Variants in PDE3A observed in about 807,000 individuals in gnomAD.
The protein encoded by PDE3A is phosphodiesterase 3A.
PDE3A carries 43 observed loss-of-function variants against 98.3 expected under a neutral mutation model. That is an observed-to-expected ratio of 0.44 (90% CI 0.34 to 0.56). The LOEUF (loss-of-function observed/expected upper bound fraction) is 0.56. Ranked by LOEUF, PDE3A falls within the 20% of genes least tolerant of loss-of-function variation. The probability of loss-of-function intolerance (pLI) is 0.01; values close to 1 mark genes in which losing one functional copy is unlikely to be tolerated. For missense variants in PDE3A, 1,427 were observed against 1,440.7 expected (o/e 0.99, Z 0.15); for synonymous variants, 663 against 567.9 (o/e 1.17, Z -2.38).
At chr12:20,623,801 G>GTATTCTAGAAAGAATTTATGATGGATA (rs1944196054) in intron 5 of PDE3A, among the ~76,000 whole-genome samples, 3 of 151,994 alleles carry the variant, frequency 2.0e-5, no homozygotes, top group Non-Finnish European at 4.4e-5. Context: ...TATGATGGAT[G>GTATTCTAGAAAGAATTTATGATGGATA]TATTCTAGAA....
intron 1 of PDE3A, among the ~76,000 whole-genome samples, chr12:20,458,363 A>G (rs1945188592): frequency 1.3e-5 from 2 of 151,658 alleles, no homozygotes; most frequent in African/African-American, 4.8e-5. Context: ...TTATCGAGGT[A>G]TATAAATATT....
At chr12:20,633,662 C>G (rs1944433235) in intron 6 of PDE3A, 31 bp from the exon 7 acceptor site, 8 of 1,354,738 alleles carry the variant, frequency 5.9e-6, no homozygotes, top group Non-Finnish European at 8.3e-6. Flanking sequence ...AAAGAGGAGG[C>G]TACACCTATA....
intron 2 of PDE3A, among the ~76,000 whole-genome samples, chr12:20,604,755 C>T (rs1480173833): frequency 6.6e-6 from 1 of 152,064 alleles, no homozygotes; most frequent in Non-Finnish European, 1.5e-5. Flanking sequence ...TAACTTAATA[C>T]ATAGAGTATG....
At chr12:20,443,211 T>C (rs887610893) in intron 1 of PDE3A, among the ~76,000 whole-genome samples, 14 of 152,140 alleles carry the variant, frequency 9.2e-5, no homozygotes, top group African/African-American at 2.7e-4. Context: ...AGAAATTATA[T>C]AGAAATTGAT....
chr12:20,654,818 G>C (rs1211866012), intron 15 of PDE3A, among the ~76,000 whole-genome samples: 2 of 151,948 alleles, frequency 1.3e-5, no homozygotes, highest in African/African-American at 4.8e-5. Context: ...AGCTGCTTCA[G>C]GTTATGTTAG....
intron 15 of PDE3A, among the ~76,000 whole-genome samples, chr12:20,672,184 A>G (rs1186412715): frequency 4.0e-5 from 6 of 148,928 alleles, no homozygotes; most frequent in African/African-American, 1.5e-4. Context: ...ACCACTGCTC[A>G]AGGAAATAAA....
At position 20,633,785 on chromosome 12, in the gene PDE3A, C is replaced by G. The variant is rs374457483; in HGVS notation, c.1846+7C>G. On this transcript the variant is annotated splice_region_variant and intron_variant, in intron 7 of 15. Coordinates refer to ENST00000359062, the MANE Select transcript of PDE3A (RefSeq NM_000921.5). ...CGGACACCAAGTAGAACAGGTAATT[C>G]ATTGTTTTGGATTCTGTTGCCCAAA... is the stretch of plus-strand genomic sequence containing the variant. 1 of 1,541,530 alleles carries G rather than the reference C, an allele frequency of 6.5e-7. No individual in the cohort carries two copies. The highest frequency in any genetic ancestry group is 8.9e-7 in the Non-Finnish European group (1 of 1,123,458).
chr12:20,605,854 AG>A (rs1943698331), intron 2 of PDE3A, among the ~76,000 whole-genome samples: 1 of 152,222 alleles, frequency 6.6e-6, no homozygotes, highest in Non-Finnish European at 1.5e-5. Flanking sequence ...CTTTTCCTCC[AG>A]TTAGAATAAA....
intron 14 of PDE3A, among the ~76,000 whole-genome samples, chr12:20,653,015 G>T (rs1353731706): frequency 6.6e-6 from 1 of 152,080 alleles, no homozygotes; most frequent in East Asian, 1.9e-4. Context: ...TAAATTAAAG[G>T]GAAAATTCAT....
In PDE3A at chr12:20,567,619, C is replaced by A. The variant is rs1320321050; in HGVS notation, c.1011+10909C>A. Reference sequence around the variant, plus strand: ...CTCTAGGCATGTGACTACTCCCCCCCACTTCCTCCCTTTTTTCTTTTCTTT... The same window carrying A: ...CTCTAGGCATGTGACTACTCCCCCCAACTTCCTCCCTTTTTTCTTTTCTTT... On this transcript the variant is annotated intron_variant, in intron 2 of 15. Transcript: ENST00000359062. Among the ~76,000 whole-genome samples the A allele has an allele frequency of 4.6e-5, 7 of 152,056 alleles. No homozygotes were observed. The East Asian group carries it at 7.7e-4, about 17-fold the overall frequency.
chr12:20,427,251 C>G (rs963978146), intron 1 of PDE3A, among the ~76,000 whole-genome samples: 12 of 152,224 alleles, frequency 7.9e-5, no homozygotes, highest in African/African-American at 2.6e-4. Context: ...CGTGAACTCT[C>G]GTTGCTTTTT....
chr12:20,657,448 T>C (rs1565465859), intron 15 of PDE3A, among the ~76,000 whole-genome samples: 1 of 152,216 alleles, frequency 6.6e-6, no homozygotes, highest in Non-Finnish European at 1.5e-5. Flanking sequence ...ATAACTTCTG[T>C]AGTTTGTAAA....
chr12:20,548,180 C>A (rs1433773136), intron 1 of PDE3A, among the ~76,000 whole-genome samples: 1 of 151,860 alleles, frequency 6.6e-6, no homozygotes, highest in African/African-American at 2.4e-5. Flanking sequence ...ACTTTGTTTG[C>A]CAGGAATAAA....
chr12:20,538,188 G>T (rs978279109), intron 1 of PDE3A, among the ~76,000 whole-genome samples: 1 of 151,984 alleles, frequency 6.6e-6, no homozygotes. Flanking sequence ...ATCGCACTCT[G>T]TGTGTGTGTG....
chr12:20,516,512 A>G lies in PDE3A; in HGVS notation c.961-40148A>G, dbSNP rs183265127. On this transcript the variant is annotated intron_variant, in intron 1 of 15. Coordinates refer to ENST00000359062, the MANE Select transcript of PDE3A (RefSeq NM_000921.5). ...TACCTGGCATGTAGAATACCTATAC[A>G]TTTACACATGTAAAAAATGAAGCCT... is the stretch of plus-strand genomic sequence containing the variant. 3.1e-4 allele frequency among the ~76,000 whole-genome samples: 47 copies of G among 152,342 alleles called. No individual in the cohort carries two copies. The Middle Eastern group carries it at 0.01, about 33-fold the overall frequency.
rs1022901583 is a variant in PDE3A, at chr12:20,544,323, C to A, written c.961-12337C>A. Reference sequence around the variant, plus strand: ...TAATAGAGAATTTGGTATAACTAAACATCTGATATATAATTTATATTTTGA... The same window carrying A: ...TAATAGAGAATTTGGTATAACTAAAAATCTGATATATAATTTATATTTTGA... On this transcript the variant is annotated intron_variant, in intron 1 of 15. Coordinates refer to ENST00000359062, the MANE Select transcript of PDE3A (RefSeq NM_000921.5). Among the ~76,000 whole-genome samples the A allele has an allele frequency of 6.6e-5, 10 of 151,572 alleles. No individual in the cohort carries two copies. In the East Asian group the frequency reaches 1.9e-3, roughly 29 times the overall value.
At chr12:20,671,151 A>G (rs1476509134) in intron 15 of PDE3A, among the ~76,000 whole-genome samples, 1 of 147,128 alleles carries the variant, frequency 6.8e-6, no homozygotes, top group African/African-American at 2.6e-5. Context: ...TAAACCAGGA[A>G]GAAGTTGAAT....
In PDE3A at chr12:20,648,791, A is replaced by C. The variant is rs1177704641; in HGVS notation, c.2669A>C (p.Asp890Ala). 6.2e-7 allele frequency: 1 copy of C among 1,613,166 alleles called. No homozygotes were observed. The highest frequency in any genetic ancestry group is 8.5e-7 in the Non-Finnish European group (1 of 1,179,168). The change falls in exon 13 of 16, where the codon GAC becomes GCC. Residue 890 changes from aspartate to alanine, a missense_variant. By Grantham distance (126) the Asp-to-Ala change is moderately radical. Around this residue, in one of 3 missense-constraint regions of PDE3A, gnomAD observed 273 missense variants for 420.3 expected, o/e 0.65. Transcript: ENST00000359062. The part of the protein sequence containing the change: ...RPEYNFLINL[D>A]HVEFKHFRFL... ...GAGTATAACTTCTTAATTAACCTTG[A>C]CCATGTGGAATTTAAGCATTTCCGT...
chr12:20,526,190 C>A (rs982002254), intron 1 of PDE3A, among the ~76,000 whole-genome samples: 50 of 152,120 alleles, frequency 3.3e-4, no homozygotes, highest in Non-Finnish European at 5.0e-4. Flanking sequence ...CACACTGGCT[C>A]ATCTTCTATT....
Sources: gnomAD v4.1 joint callset for allele counts (sites outside exome capture counted in the v4.1 genomes callset) on GRCh38, gnomAD v4.1.1 for gene constraint, gnomAD v4.1.1 regional missense constraint, MANE v1.5 for transcripts, NCBI Gene and HGNC (gene_info 2026-07-23, HGNC 2026-07-21) for gene names.